The following KAZN variants were observed in gnomAD, a reference collection of about 807,000 sequenced individuals.
KAZN encodes the protein kazrin, periplakin interacting protein.
Under a neutral mutation model 87.4 loss-of-function variants are expected in KAZN, and 40 were observed. The observed-to-expected ratio is 0.46, with a 90% confidence interval of 0.36 to 0.60. KAZN has a LOEUF of 0.60. KAZN is among the 20% of genes least tolerant of loss of function. KAZN has a pLI of 0.00. For missense variants in KAZN, 898 were observed against 1,073.9 expected, an observed-to-expected ratio of 0.84 and a Z score of 2.29; for synonymous variants, 466 against 458.3, an observed-to-expected ratio of 1.02 and a Z score of -0.22.
intron 2 of KAZN, among the ~76,000 whole-genome samples, chr1:14,353,144 T>A (rs1463662880): frequency 6.6e-6 from 1 of 151,846 alleles, no homozygotes; most frequent in Non-Finnish European, 1.5e-5. Flanking sequence ...AAGTCCTAGC[T>A]GGTGCAAAAA....
At chr1:14,513,927 A>C (rs1308469439) in intron 2 of KAZN, among the ~76,000 whole-genome samples, 1 of 152,034 alleles carries the variant, frequency 6.6e-6, no homozygotes, top group East Asian at 1.9e-4. Flanking sequence ...TCTGAGATTC[A>C]ATATCATTAA....
intron 2 of KAZN, among the ~76,000 whole-genome samples, chr1:14,239,646 G>A (rs1013213156): frequency 1.3e-5 from 2 of 151,868 alleles, no homozygotes; most frequent in Middle Eastern, 6.8e-3. Context: ...TTTTAGTAGA[G>A]ACAGGGTTTC....
At chr1:14,873,700 T>G (rs1229262295) in intron 1 of KAZN, among the ~76,000 whole-genome samples, 2 of 152,182 alleles carry the variant, frequency 1.3e-5, no homozygotes, top group Non-Finnish European at 2.9e-5. Flanking sequence ...ATATTTATGT[T>G]GTGTTGAAAA....
At chr1:14,147,989 G>A (rs865802910) in intron 1 of KAZN, among the ~76,000 whole-genome samples, 4 of 152,088 alleles carry the variant, frequency 2.6e-5, no homozygotes, top group Non-Finnish European at 4.4e-5. Context: ...GGAGGCCGAG[G>A]TGGGAGGATC....
chr1:14,611,202 C>G (rs1431450000), intron 1 of KAZN, among the ~76,000 whole-genome samples: 2 of 152,192 alleles, frequency 1.3e-5, no homozygotes, highest in Non-Finnish European at 2.9e-5. Context: ...GGTCCACTGA[C>G]TCCTAAGTGG....
At chr1:15,034,260 G>A (rs1218178904) in intron 2 of KAZN, among the ~76,000 whole-genome samples, 6 of 152,136 alleles carry the variant, frequency 3.9e-5, no homozygotes, top group Non-Finnish European at 7.4e-5. Flanking sequence ...TACACTTTTG[G>A]TATATGTCTT....
At chr1:14,166,174 G>T (rs1177145515) in intron 1 of KAZN, among the ~76,000 whole-genome samples, 1 of 152,186 alleles carries the variant, frequency 6.6e-6, no homozygotes, top group Non-Finnish European at 1.5e-5. Context: ...AATTAGCTGG[G>T]CATGGTGGCG....
intron 1 of KAZN, among the ~76,000 whole-genome samples, chr1:14,167,609 G>A (rs1333738863): frequency 6.6e-6 from 1 of 152,144 alleles, no homozygotes; most frequent in African/African-American, 2.4e-5. Context: ...TACAATTCCA[G>A]CTACTAGAGA....
chr1:14,063,411 A>G (rs1318344856), intron 1 of KAZN, among the ~76,000 whole-genome samples: 1 of 152,148 alleles, frequency 6.6e-6, no homozygotes, highest in African/African-American at 2.4e-5. Context: ...CCCAAGGCAT[A>G]CTCTCCATTT....
intron 1 of KAZN, among the ~76,000 whole-genome samples, chr1:14,952,804 G>A (rs565330734): frequency 1.1e-4 from 16 of 152,284 alleles, no homozygotes; most frequent in East Asian, 9.6e-4. Flanking sequence ...GTTTTCCTCC[G>A]GAAGATCAAG....
At chr1:14,348,439 G>C (rs1370326170) in intron 2 of KAZN, among the ~76,000 whole-genome samples, 1 of 152,140 alleles carries the variant, frequency 6.6e-6, no homozygotes, top group East Asian at 1.9e-4. Context: ...GGGATTTTGA[G>C]CCAAAGCCCT....
At chr1:14,973,523 T>G (rs1665297838) in intron 2 of KAZN, among the ~76,000 whole-genome samples, 1 of 152,164 alleles carries the variant, frequency 6.6e-6, no homozygotes, top group Non-Finnish European at 1.5e-5. Context: ...CCCAGTTGAC[T>G]GAACATTTGA....
intron 1 of KAZN, among the ~76,000 whole-genome samples, chr1:14,823,832 G>A (rs1646805333): frequency 6.6e-6 from 1 of 152,238 alleles, no homozygotes; most frequent in South Asian, 2.1e-4. Context: ...GGAATGAGTG[G>A]GCCCGGCGTG....
intron 1 of KAZN, among the ~76,000 whole-genome samples, chr1:14,136,231 G>A (rs1181350438): frequency 6.6e-6 from 1 of 152,084 alleles, no homozygotes; most frequent in African/African-American, 2.4e-5. Context: ...GAGTTTTGGG[G>A]AGCCCCGGCC....
At chr1:13,922,643 C>T (rs561472571) in intron 1 of KAZN, among the ~76,000 whole-genome samples, 2 of 152,274 alleles carry the variant, frequency 1.3e-5, no homozygotes, top group East Asian at 3.9e-4. Context: ...GGGTTTCCTT[C>T]TCTCCCAGAT....
intron 1 of KAZN, among the ~76,000 whole-genome samples, chr1:14,750,401 G>C (rs1484810736): frequency 6.6e-6 from 1 of 152,088 alleles, no homozygotes; most frequent in Non-Finnish European, 1.5e-5. Context: ...TTTTTTACCT[G>C]ACTTAACGGA....
At position 14,285,755 on chromosome 1, in the gene KAZN, A is replaced by G. The variant is rs185259430; in HGVS notation, c.249+105163A>G. ...AGTTCTTGAGCCAAGGTGCCTTCAT[A>G]TTCCTTTTGCACTGGGCCCTGCAGA... is the stretch of plus-strand genomic sequence containing the variant. On this transcript the variant is annotated intron_variant, in intron 2 of 16. Coordinates refer to the KAZN transcript ENST00000636203. Among the ~76,000 whole-genome samples, 5 of 152,220 alleles carry G rather than the reference A, an allele frequency of 3.3e-5. No homozygotes were observed. In the East Asian group the frequency reaches 9.7e-4, roughly 29 times the overall value.
intron 2 of KAZN, among the ~76,000 whole-genome samples, chr1:14,496,859 G>C (rs1215150382): frequency 6.6e-6 from 1 of 151,636 alleles, no homozygotes; most frequent in Non-Finnish European, 1.5e-5. Context: ...AAAAAAAAAA[G>C]CTGGAATTCA....
At chr1:14,246,562 A>T (rs1332417332) in intron 2 of KAZN, among the ~76,000 whole-genome samples, 1 of 152,188 alleles carries the variant, frequency 6.6e-6, no homozygotes, top group African/African-American at 2.4e-5. Flanking sequence ...CTTATGAAAG[A>T]TACAAAAAAT....
Sources: allele counts gnomAD v4.1 joint callset (sites outside exome capture counted in the v4.1 genomes callset), GRCh38; gene constraint gnomAD v4.1.1; transcripts MANE v1.5; gene names NCBI Gene and HGNC (gene_info 2026-07-23, HGNC 2026-07-21).